The following AP3B1 variants were observed in gnomAD, a reference collection of about 807,000 sequenced individuals.
AP3B1 encodes the protein AP-3 complex subunit beta-1.
A neutral mutation model predicts 132.5 loss-of-function variants in AP3B1; 61 were observed. That is an observed-to-expected ratio of 0.46 (90% CI 0.37 to 0.57). The LOEUF (loss-of-function observed/expected upper bound fraction) is 0.57. AP3B1 is among the 20% of genes least tolerant of loss of function. The pLI is 0.00. For missense variants in AP3B1, 1,120 were observed against 1,289.4 expected (o/e 0.87, Z 2.01); for synonymous variants, 388 against 438.3 (o/e 0.89, Z 1.43).
rs1746229345 is a variant in AP3B1, at chr5:78,002,526, T to C, written c.*376A>G. 2.1e-6 allele frequency: 1 copy of C among 484,380 alleles called. No individual in the cohort carries two copies. The highest frequency in any genetic ancestry group is 4.8e-5 in the South Asian group (1 of 20,680). 30.0% of individuals were successfully genotyped at this position (484,380 alleles called of 1,614,324 possible). A position where few individuals can be genotyped will look rare whatever the true frequency, so the allele number is the denominator to read the frequency against. ...GCCATTTAGACTATCTCTTTGCTAA[T>C]TTTTGCTTACTGCTGTAGGGAAGAA... is the stretch of plus-strand genomic sequence containing the variant. On this transcript the variant is annotated 3_prime_UTR_variant, in exon 27 of 27. Transcript: ENST00000255194.
rs140197184 is a variant in AP3B1, at chr5:78,032,199, C to T, written c.2894+2162G>A. On this transcript the variant is annotated intron_variant, in intron 24 of 26. Coordinates refer to ENST00000255194, the MANE Select transcript of AP3B1 (RefSeq NM_003664.5). Reference sequence around the variant, plus strand: ...CAATTATAATGATATAGAATTAATCCAGAAGCTAAAGTAGGATCATTTTAC... The same window carrying T: ...CAATTATAATGATATAGAATTAATCTAGAAGCTAAAGTAGGATCATTTTAC... Among the ~76,000 whole-genome samples, 100 of 152,110 alleles carry T rather than the reference C, an allele frequency of 6.6e-4. 1 individual carries two copies. The East Asian group carries it at 0.019, about 28-fold the overall frequency.
chr5:78,095,141 G>A (rs1404615666), intron 21 of AP3B1, among the ~76,000 whole-genome samples: 1 of 152,142 alleles, frequency 6.6e-6, no homozygotes, highest in Non-Finnish European at 1.5e-5. Flanking sequence ...TACACTTTGA[G>A]AGTTCCTTGG....
At chr5:78,141,768 C>T (rs188479200) in intron 14 of AP3B1, among the ~76,000 whole-genome samples, 1 of 152,284 alleles carries the variant, frequency 6.6e-6, no homozygotes, top group Non-Finnish European at 1.5e-5. Flanking sequence ...TCTAGAACAG[C>T]AGTTCCCAAA....
intron 17 of AP3B1, among the ~76,000 whole-genome samples, chr5:78,123,841 T>C (rs956427934): frequency 1.3e-5 from 2 of 152,120 alleles, no homozygotes; most frequent in Non-Finnish European, 2.9e-5. Context: ...AGCCATCCCA[T>C]TACTGGGTAT....
chr5:78,126,498 C>T (rs1269542633), intron 17 of AP3B1, among the ~76,000 whole-genome samples: 4 of 100,670 alleles, frequency 4.0e-5, no homozygotes, highest in Admixed American at 2.2e-4. Flanking sequence ...GAGCAAGACT[C>T]TGTCTCAAAA....
At chr5:78,124,662 T>G (rs2112290634) in intron 17 of AP3B1, among the ~76,000 whole-genome samples, 1 of 152,288 alleles carries the variant, frequency 6.6e-6, no homozygotes, top group South Asian at 2.1e-4. Context: ...TTGAATATAT[T>G]TGAATAAGAT....
rs1414822950 is a variant in AP3B1 at position 78,002,784 on chromosome 5, G to C, written c.*118C>G. 12 of 1,114,770 alleles carry C rather than the reference G, an allele frequency of 1.1e-5. No homozygotes were observed. The South Asian group carries it at 1.1e-4, about 10-fold the overall frequency. The allele number at this position is 1,114,770 out of a possible 1,614,324, so 69.1% of individuals were successfully genotyped here. On this transcript the variant is annotated 3_prime_UTR_variant, in exon 27 of 27. Coordinates refer to ENST00000255194, the MANE Select transcript of AP3B1 (RefSeq NM_003664.5). ...CTAAAGCAGGAGACAAGAATGTCAAGAGTGTATTCTACCCCCACTGCCAGA... is the reference window on the plus strand; with the variant it reads ...CTAAAGCAGGAGACAAGAATGTCAACAGTGTATTCTACCCCCACTGCCAGA...
chr5:78,238,422 G>C (rs1746974647), intron 3 of AP3B1, among the ~76,000 whole-genome samples: 1 of 152,100 alleles, frequency 6.6e-6, no homozygotes, highest in Non-Finnish European at 1.5e-5. Flanking sequence ...TAATGCTTTT[G>C]AATCATCCTG....
At chr5:78,125,207 A>G (rs1413379763) in intron 17 of AP3B1, among the ~76,000 whole-genome samples, 1 of 152,186 alleles carries the variant, frequency 6.6e-6, no homozygotes, top group Admixed American at 6.5e-5. Context: ...AACTAAGCAA[A>G]TAAATTATTA....
chr5:78,210,243 T>C (rs958894146), intron 7 of AP3B1, among the ~76,000 whole-genome samples: 1 of 152,114 alleles, frequency 6.6e-6, no homozygotes, highest in Non-Finnish European at 1.5e-5. Flanking sequence ...TAAAGAAAAT[T>C]AAAACTCAAT....
rs1381286476 is a variant in AP3B1, at chr5:78,171,412, G to A, written c.1167+4214C>T. Among the ~76,000 whole-genome samples, 3 of 152,052 alleles carry A rather than the reference G, an allele frequency of 2.0e-5. No individual in the cohort carries two copies. In the East Asian group the frequency reaches 5.8e-4, roughly 29 times the overall value. ...GTTTGTGTCCTTTTTTTATTTCACT[G>A]AGCAGTGGTTTGTAGTTCTCCTTGA... On this transcript the variant is annotated intron_variant, in intron 11 of 26. Coordinates refer to ENST00000255194, the MANE Select transcript of AP3B1 (RefSeq NM_003664.5).
chr5:78,076,434 C>A (rs1318421058), intron 22 of AP3B1, among the ~76,000 whole-genome samples: 1 of 152,202 alleles, frequency 6.6e-6, no homozygotes, highest in African/African-American at 2.4e-5. Context: ...GGGGCGACCT[C>A]TAAACCCTTG....
intron 2 of AP3B1, 110 bp from the exon 3 acceptor site, chr5:78,241,046 C>G (rs1231036699): frequency 1.4e-6 from 1 of 737,660 alleles, no homozygotes. Context: ...CTTTTTGAAT[C>G]ATCTTACCTC....
intron 14 of AP3B1, among the ~76,000 whole-genome samples, chr5:78,147,240 T>C (rs1322960029): frequency 1.3e-5 from 2 of 152,106 alleles, no homozygotes; most frequent in African/African-American, 2.4e-5. Context: ...TTACCCTTTT[T>C]TCATTTTATA....
chr5:78,163,664 CAT>C (rs1233506594), intron 12 of AP3B1, among the ~76,000 whole-genome samples: 7 of 146,394 alleles, frequency 4.8e-5, no homozygotes, highest in Admixed American at 6.9e-5. Flanking sequence ...CACACACACA[CAT>C]ATATATATAC....
chr5:78,181,580 G>A lies in AP3B1; in HGVS notation c.869C>T (p.Pro290Leu), dbSNP rs759296897. ...QKEKTDKKKK[P>L]YTMDPDHRLL... ...TCTATGATCTGGATCCATAGTATAC[G>A]GCTTCTTCTTTTTGTCAGTCTTTTC... The change falls in exon 8 of 27, where the codon CCG becomes CTG. Residue 290 changes from proline to leucine, a missense_variant. Physicochemically the swap from Pro to Leu is moderately conservative, Grantham distance 98. This residue lies in a region of AP3B1 where 906 missense variants were observed against 997.1 expected (regional missense o/e 0.91). Transcript: ENST00000255194. The A allele has an allele frequency of 2.4e-5, 38 of 1,612,202 alleles. No homozygotes were observed. Among genetic ancestry groups the A allele is most frequent in the East Asian group, 1.6e-4 (7 of 44,786 alleles).
intron 6 of AP3B1, among the ~76,000 whole-genome samples, chr5:78,219,809 G>A (rs1343560996): frequency 6.6e-6 from 1 of 152,022 alleles, no homozygotes; most frequent in African/African-American, 2.4e-5. Flanking sequence ...AGCAACAGAT[G>A]GTATGCCTCA....
chr5:78,147,253 G>A (rs1405627883), intron 14 of AP3B1, among the ~76,000 whole-genome samples: 1 of 151,730 alleles, frequency 6.6e-6, no homozygotes, highest in Non-Finnish European at 1.5e-5. Flanking sequence ...ATTTTATAAT[G>A]TTCCTTTTTA....
intron 11 of AP3B1, 104 bp from the exon 12 acceptor site, chr5:78,165,776 A>G (rs1743591282): frequency 1.1e-6 from 1 of 902,020 alleles, no homozygotes; most frequent in African/African-American, 1.7e-5. Flanking sequence ...ACTTTTAAAA[A>G]TCACATTGTC....
Sources: allele counts gnomAD v4.1 joint callset (sites outside exome capture counted in the v4.1 genomes callset), GRCh38; gene constraint gnomAD v4.1.1; regional missense constraint gnomAD v4.1.1; transcripts MANE v1.5; gene names NCBI Gene and HGNC (gene_info 2026-07-23, HGNC 2026-07-21).